The following NTRK2 variants were observed in gnomAD, a reference collection of about 807,000 sequenced individuals.
NTRK2 encodes neurotrophic receptor tyrosine kinase 2, also known as BDNF/NT-3 growth factors receptor.
In NTRK2, 13 loss-of-function variants were observed where a neutral mutation model predicts 94.5. The observed-to-expected ratio is 0.14, with a 90% confidence interval of 0.09 to 0.22. The LOEUF (loss-of-function observed/expected upper bound fraction) is 0.22. NTRK2 is among the 10% of genes least tolerant of loss of function. The probability of loss-of-function intolerance (pLI) is 1.00; values close to 1 mark genes in which losing one functional copy is unlikely to be tolerated. For missense variants in NTRK2, 639 were observed against 1,071.2 expected (o/e 0.60, Z 5.63); for synonymous variants, 372 against 407.4 (o/e 0.91, Z 1.05).
chr9:84,965,498 G>C (rs546903717), intron 17 of NTRK2, among the ~76,000 whole-genome samples: 85 of 152,310 alleles, frequency 5.6e-4, no homozygotes, highest in Non-Finnish European at 9.6e-4. Flanking sequence ...GAAAGCAACA[G>C]AATTTGAGGT....
chr9:84,706,521 G>GTTTTT (rs1173199220), intron 4 of NTRK2, among the ~76,000 whole-genome samples: 1,818 of 95,058 alleles, frequency 0.019, 265 homozygotes, highest in Non-Finnish European at 0.023. Context: ...GTTATTTTTT[G>GTTTTT]TTTTTGTTTT....
chr9:84,823,682 A>C (rs2072998797), intron 12 of NTRK2, among the ~76,000 whole-genome samples: 1 of 152,198 alleles, frequency 6.6e-6, no homozygotes, highest in Admixed American at 6.5e-5. Flanking sequence ...GCGTACCCAA[A>C]TCTTCTGATT....
At chr9:85,004,046 G>GA (rs1564542225) in intron 17 of NTRK2, among the ~76,000 whole-genome samples, 2,839 of 40,402 alleles carry the variant, frequency 0.07, 10 homozygotes, top group Non-Finnish European at 0.079. Context: ...AGAAAGAAAG[G>GA]GAGAAAGAGA....
In NTRK2 at chr9:84,838,198, C is replaced by A. The variant is rs11140781; in HGVS notation, c.1397-22842C>A. ...AAACGTGTCACTCAGAATAGGAAAA[C>A]AACAACAGCAGCAGGAACAGCTATA... On this transcript the variant is annotated intron_variant, in intron 12 of 18. Coordinates refer to ENST00000277120, the MANE Select transcript of NTRK2 (RefSeq NM_006180.6). 4.1e-3 allele frequency among the ~76,000 whole-genome samples: 624 copies of A among 151,872 alleles called. 3 individuals are homozygous for A. Among genetic ancestry groups the A allele is most frequent in the Non-Finnish European group, 7.2e-3 (491 of 67,950 alleles).
intron 17 of NTRK2, among the ~76,000 whole-genome samples, chr9:84,974,496 A>G (rs1326812726): frequency 2.6e-5 from 4 of 152,226 alleles, no homozygotes; most frequent in African/African-American, 9.6e-5. Flanking sequence ...GCTCTTGTGT[A>G]ACTTGGAGCC....
chr9:84,868,334 AGGCTTTG>A (rs2075689385), intron 14 of NTRK2, among the ~76,000 whole-genome samples: 1 of 152,208 alleles, frequency 6.6e-6, no homozygotes, highest in Admixed American at 6.5e-5. Flanking sequence ...CTGCAAGATT[AGGCTTTG>A]GGGGCTGCCT....
intron 15 of NTRK2, among the ~76,000 whole-genome samples, chr9:84,936,877 G>A (rs1344346799): frequency 1.3e-5 from 2 of 151,574 alleles, no homozygotes; most frequent in African/African-American, 4.8e-5. Context: ...TTTTTTAAAT[G>A]AGAGGTTTTG....
rs1441642298 is a variant in NTRK2, at chr9:84,670,685, G to A, written c.-64G>A. 5 of 1,543,628 alleles carry A rather than the reference G, an allele frequency of 3.2e-6. No individual in the cohort carries two copies. Among genetic ancestry groups the A allele is most frequent in the East Asian group, 2.2e-5 (1 of 44,580 alleles). ...AAGCGCAGGGAAGGCCTCCCCGCAC[G>A]GGTGGGGGAAAGCGGCCGGTGCAGC... On this transcript the variant is annotated 5_prime_UTR_variant, in exon 2 of 19. Transcript: ENST00000277120.
At chr9:84,925,077 C>T (rs1258796953) in intron 14 of NTRK2, among the ~76,000 whole-genome samples, 1 of 152,178 alleles carries the variant, frequency 6.6e-6, no homozygotes, top group African/African-American at 2.4e-5. Context: ...CAGAAGTTAG[C>T]TCACTGAAAA....
intron 16 of NTRK2, among the ~76,000 whole-genome samples, chr9:84,949,528 T>G (rs1040691284): frequency 3.3e-5 from 5 of 152,094 alleles, no homozygotes; most frequent in Non-Finnish European, 5.9e-5. Context: ...AGTGCAGTTA[T>G]GTGGTCTTGG....
chr9:84,928,196 A>G (rs962364545), intron 14 of NTRK2, among the ~76,000 whole-genome samples: 1 of 152,230 alleles, frequency 6.6e-6, no homozygotes, highest in Non-Finnish European at 1.5e-5. Context: ...GTGAAACTTT[A>G]AAACATAGTT....
At chr9:84,750,546 C>T (rs979591586) in intron 11 of NTRK2, among the ~76,000 whole-genome samples, 6 of 152,170 alleles carry the variant, frequency 3.9e-5, no homozygotes, top group African/African-American at 7.2e-5. Flanking sequence ...CAGGCATTGG[C>T]GACTATGTTC....
intron 17 of NTRK2, among the ~76,000 whole-genome samples, chr9:84,981,392 A>G (rs1827598899): frequency 6.6e-6 from 1 of 152,050 alleles, no homozygotes; most frequent in Admixed American, 6.5e-5. Context: ...GTGAGCCACC[A>G]CACCTGGCCT....
chr9:84,840,979 C>A (rs1046104995), intron 12 of NTRK2, among the ~76,000 whole-genome samples: 16 of 152,284 alleles, frequency 1.1e-4, no homozygotes, highest in African/African-American at 3.8e-4. Flanking sequence ...TGCATTCTCT[C>A]TTTTCCTTCT....
chr9:85,004,053 G>GAAAGAAAGAAAAGAAA (rs1316613240), intron 17 of NTRK2, among the ~76,000 whole-genome samples: 14 of 64,800 alleles, frequency 2.2e-4, no homozygotes, highest in Admixed American at 3.2e-4. Context: ...AAGGGAGAAA[G>GAAAGAAAGAAAAGAAA]AGAAAGAAAG....
rs1251945494 is a variant in NTRK2, at chr9:84,937,521, A to G, written c.1764+3229A>G. ...AGTGATCCTAAGGCATGTGCACAAC[A>G]CTTGAGGGCACACAGAGCTGAGCAT... On this transcript the variant is annotated intron_variant, in intron 15 of 18. Coordinates refer to ENST00000277120, the MANE Select transcript of NTRK2 (RefSeq NM_006180.6). 2.0e-5 allele frequency among the ~76,000 whole-genome samples: 3 copies of G among 152,266 alleles called. No individual in the cohort carries two copies. In the East Asian group the frequency reaches 5.8e-4, roughly 29 times the overall value.
Position 84,882,697 on chromosome 9 carries a change from A to AGTGTGTGT in NTRK2, c.1633+15282_1633+15289dup, listed in dbSNP as rs71847053. The stretch of plus-strand genomic sequence containing the variant: ...TTCACTGTGTCATCTCTTTTGTTCT[A>AGTGTGTGT]GTGTGTGTGTGTGTGTGTGTGTGCG... On this transcript the variant is annotated intron_variant, in intron 14 of 18. Transcript: ENST00000277120. Among the ~76,000 whole-genome samples the AGTGTGTGT allele has an allele frequency of 1.2e-3, 177 of 149,812 alleles. 1 individual carries two copies. Among genetic ancestry groups the AGTGTGTGT allele is most frequent in the African/African-American group, 2.5e-3 (102 of 40,564 alleles).
At chr9:84,677,374 C>T (rs1351121367) in intron 2 of NTRK2, among the ~76,000 whole-genome samples, 1 of 152,124 alleles carries the variant, frequency 6.6e-6, no homozygotes, top group East Asian at 1.9e-4. Context: ...TTATTGGCTC[C>T]CATCCAAAAT....
At chr9:84,694,100 AG>A (rs1184266167) in intron 2 of NTRK2, among the ~76,000 whole-genome samples, 2 of 152,212 alleles carry the variant, frequency 1.3e-5, no homozygotes, top group Non-Finnish European at 1.5e-5. Flanking sequence ...TGGATTTACA[AG>A]TCCCCAGTCC....
Sources: allele counts gnomAD v4.1 joint callset (sites outside exome capture counted in the v4.1 genomes callset), GRCh38; gene constraint gnomAD v4.1.1; transcripts MANE v1.5; gene names NCBI Gene and HGNC (gene_info 2026-07-23, HGNC 2026-07-21).